The following HK1 variants were observed in gnomAD, a reference collection of about 807,000 sequenced individuals.
The protein encoded by HK1 is hexokinase 1, also known as hexokinase-1.
HK1 carries 28 observed loss-of-function variants against 91.6 expected under a neutral mutation model. The ratio of observed to expected loss-of-function variants is 0.31; its 90% CI spans 0.23 to 0.42. HK1 has a LOEUF of 0.42. HK1 is among the 10% of genes least tolerant of loss of function. The probability of loss-of-function intolerance (pLI) is 1.00; values close to 1 mark genes in which losing one functional copy is unlikely to be tolerated. For missense variants in HK1, 770 were observed against 1,219.8 expected (o/e 0.63, Z 5.49); for synonymous variants, 430 against 468.1 (o/e 0.92, Z 1.05).
In HK1 at chr10:69,331,394, T is replaced by G. The variant is rs12240898; in HGVS notation, c.63+12384T>G. ...CTTCATAGAAACTGTCACCCAAGGC[T>G]CTGATAATGGAGATATGTCAGAAAT... On this transcript the variant is annotated intron_variant, in intron 1 of 17. Coordinates refer to ENST00000359426, the MANE Select transcript of HK1 (RefSeq NM_000188.3). Among the ~76,000 whole-genome samples, 344 of 152,330 alleles carry G rather than the reference T, an allele frequency of 2.3e-3. 4 individuals carry two copies. Among genetic ancestry groups the G allele is most frequent in the African/African-American group, 8.0e-3 (331 of 41,576 alleles).
intron 15 of HK1, among the ~76,000 whole-genome samples, chr10:69,393,954 G>A (rs1840027032): frequency 6.6e-6 from 1 of 152,216 alleles, no homozygotes; most frequent in African/African-American, 2.4e-5. Flanking sequence ...GGATCAGCAA[G>A]TGTTGGAAGG....
intron 5 of HK1, among the ~76,000 whole-genome samples, chr10:69,301,532 C>T (rs1033057545): frequency 3.0e-5 from 4 of 134,492 alleles, no homozygotes; most frequent in African/African-American, 8.6e-5. Context: ...TGAGATCACA[C>T]CAGTGTACTC....
At chr10:69,355,731 G>A (rs1327376446) in intron 2 of HK1, among the ~76,000 whole-genome samples, 1 of 152,188 alleles carries the variant, frequency 6.6e-6, no homozygotes, top group Non-Finnish European at 1.5e-5. Context: ...GGTGGAGGTT[G>A]CAGTGAGCCG....
intron 2 of HK1, among the ~76,000 whole-genome samples, chr10:69,285,434 CA>C (rs1460291026): frequency 1.3e-5 from 2 of 151,906 alleles, no homozygotes; most frequent in East Asian, 3.9e-4. Flanking sequence ...AAAACAACAA[CA>C]AAAAACAAAC....
chr10:69,319,798 C>T (rs1449399367), intron 1 of HK1, among the ~76,000 whole-genome samples: 1 of 152,248 alleles, frequency 6.6e-6, no homozygotes, highest in Non-Finnish European at 1.5e-5. Context: ...GTGTAAAATA[C>T]TGTCCGCTGG....
chr10:69,330,639 C>T (rs887196418), intron 1 of HK1, among the ~76,000 whole-genome samples: 2 of 152,100 alleles, frequency 1.3e-5, no homozygotes, highest in Admixed American at 1.3e-4. Flanking sequence ...CTTTCCCCTC[C>T]CTTCTTCCCT....
chr10:69,296,907 A>C (rs758552648), intron 4 of HK1, among the ~76,000 whole-genome samples: 2 of 152,172 alleles, frequency 1.3e-5, no homozygotes, highest in Non-Finnish European at 2.9e-5. Flanking sequence ...TTGGGCATCC[A>C]GGAAACCAGA....
intron 13 of HK1, among the ~76,000 whole-genome samples, chr10:69,387,748 G>C (rs925052370): frequency 1.2e-4 from 18 of 152,222 alleles, no homozygotes; most frequent in African/African-American, 4.3e-4. Flanking sequence ...GCCCAACTTT[G>C]TTAGATTACA....
intron 3 of HK1, chr10:69,292,255 T>G: frequency 3.0e-6 from 1 of 336,396 alleles, no homozygotes; most frequent in South Asian, 2.2e-5. Flanking sequence ...TTTTTTTTTG[T>G]AGAGACAGGG....
chr10:69,276,118 A>ATATATATATATATATATATATAT (rs1426672139), intron 1 of HK1, among the ~76,000 whole-genome samples: 2 of 38,262 alleles, frequency 5.2e-5, no homozygotes, highest in Non-Finnish European at 5.1e-5. Context: ...AAAAAAAAAA[A>ATATATATATATATATATATATAT]ATACATATAT....
chr10:69,344,685 A>T (rs1848459461), intron 2 of HK1, among the ~76,000 whole-genome samples: 1 of 152,228 alleles, frequency 6.6e-6, no homozygotes, highest in Admixed American at 6.5e-5. Context: ...GAGGAGTGGT[A>T]TCAGCCCCTG....
At chr10:69,357,799 T>C (rs1188967092) in intron 2 of HK1, among the ~76,000 whole-genome samples, 1 of 152,110 alleles carries the variant, frequency 6.6e-6, no homozygotes, top group East Asian at 1.9e-4. Context: ...GGTAAATCTA[T>C]AGCAACAGAA....
upstream of HK1, among the ~76,000 whole-genome samples, chr10:69,313,697 A>G (rs1846494571): frequency 6.6e-6 from 1 of 151,864 alleles, no homozygotes; most frequent in Non-Finnish European, 1.5e-5. Context: ...GGGTTTCTCC[A>G]TGTTGGTCAG....
At chr10:69,360,411 CT>C (rs200986959) in intron 3 of HK1, among the ~76,000 whole-genome samples, 6,066 of 152,290 alleles carry the variant, frequency 0.04, 196 homozygotes, top group South Asian at 0.084. Flanking sequence ...TGAAAATGCC[CT>C]TTTCTCCTGG....
chr10:69,341,662 C>T (rs113264649), intron 1 of HK1, among the ~76,000 whole-genome samples: 1,628 of 152,028 alleles, frequency 0.011, 27 homozygotes, highest in African/African-American at 0.037. Flanking sequence ...AGGGTTGTTG[C>T]CCAGGCTAAT....
upstream of HK1, among the ~76,000 whole-genome samples, chr10:69,311,140 G>C (rs10159538): frequency 0.02 from 3,039 of 152,176 alleles, 112 homozygotes; most frequent in African/African-American, 0.069. Flanking sequence ...TCAGAGAAAA[G>C]ATTGTAAATG....
intron 1 of HK1, among the ~76,000 whole-genome samples, chr10:69,340,856 T>A (rs1439334487): frequency 6.6e-6 from 1 of 152,172 alleles, no homozygotes; most frequent in Non-Finnish European, 1.5e-5. Context: ...CCCTGTGTGG[T>A]TGAGCTCTGG....
chr10:69,317,414 T>G (rs1160395870), upstream of HK1, among the ~76,000 whole-genome samples: 1 of 152,184 alleles, frequency 6.6e-6, no homozygotes, highest in Non-Finnish European at 1.5e-5. Flanking sequence ...GGACTGCATC[T>G]AAGCTCCTCC....
chr10:69,298,713 G>A (rs762981453), intron 4 of HK1, among the ~76,000 whole-genome samples: 6 of 151,690 alleles, frequency 4.0e-5, no homozygotes, highest in Admixed American at 2.6e-4. Flanking sequence ...TCCTACCCCT[G>A]GTACAGACTA....
Sources: allele counts gnomAD v4.1 joint callset (sites outside exome capture counted in the v4.1 genomes callset), GRCh38; gene constraint gnomAD v4.1.1; transcripts MANE v1.5; gene names NCBI Gene and HGNC (gene_info 2026-07-23, HGNC 2026-07-21).